PDE10A: variants seen among roughly 807,000 people sequenced by gnomAD.
PDE10A encodes the protein phosphodiesterase 10A.
Under a neutral mutation model 97.7 loss-of-function variants are expected in PDE10A, and 39 were observed. The observed-to-expected ratio is 0.40, with a 90% CI of 0.31 to 0.52. The LOEUF is 0.52. Among genes scored for constraint, PDE10A ranks in the 20% least tolerant of loss-of-function variants. The pLI, the probability that PDE10A is intolerant of heterozygous loss-of-function variation, is 0.56. For missense variants in PDE10A, 731 were observed against 1,047.8 expected (o/e 0.70, Z 4.17); for synonymous variants, 371 against 376.8 (o/e 0.98, Z 0.18).
At chr6:165,530,752 T>C (rs1336424424) in intron 2 of PDE10A, among the ~76,000 whole-genome samples, 1 of 152,240 alleles carries the variant, frequency 6.6e-6, no homozygotes, top group Non-Finnish European at 1.5e-5. Context: ...CATTAAGATA[T>C]GTTTAAGTCA....
intron 13 of PDE10A, among the ~76,000 whole-genome samples, chr6:165,397,965 T>C (rs1186492892): frequency 6.6e-6 from 1 of 152,104 alleles, no homozygotes; most frequent in Non-Finnish European, 1.5e-5. Flanking sequence ...TCAGAAACAT[T>C]AAAATTAAGT....
chr6:165,362,070 G>C (rs1375507330), intron 18 of PDE10A, among the ~76,000 whole-genome samples: 2 of 152,140 alleles, frequency 1.3e-5, no homozygotes, highest in Admixed American at 1.3e-4. Context: ...TTAGAGCTAT[G>C]AATGTCTATA....
chr6:165,525,903 T>C (rs1232305669), intron 2 of PDE10A, among the ~76,000 whole-genome samples: 1 of 152,212 alleles, frequency 6.6e-6, no homozygotes, highest in Non-Finnish European at 1.5e-5. Flanking sequence ...CTACTTAATT[T>C]TTCTAAGGAG....
chr6:165,985,417 C>T (rs1461488107), intron 1 of PDE10A, among the ~76,000 whole-genome samples: 1 of 152,184 alleles, frequency 6.6e-6, no homozygotes, highest in Non-Finnish European at 1.5e-5. Context: ...TTCAGTTTCT[C>T]ATTGGTGTTA....
At chr6:165,345,224 T>C (rs1269790535) in intron 18 of PDE10A, among the ~76,000 whole-genome samples, 2 of 152,204 alleles carry the variant, frequency 1.3e-5, no homozygotes, top group East Asian at 1.9e-4. Context: ...GAAATGTCAA[T>C]AGAATTGGGC....
rs776525724 is a variant in PDE10A, at chr6:165,537,071, A to G, written c.994+6369T>C. Among the ~76,000 whole-genome samples the G allele has an allele frequency of 1.1e-4, 16 of 152,166 alleles. No individual in the cohort carries two copies. The South Asian group carries it at 1.7e-3, about 16-fold the overall frequency. ...CACCCATTAATGGGTGAATGGATAAAGAAAATGTGATATATACAAAACGAA... is the reference window on the plus strand; with the variant it reads ...CACCCATTAATGGGTGAATGGATAAGGAAAATGTGATATATACAAAACGAA... On this transcript the variant is annotated intron_variant, in intron 2 of 21. Coordinates refer to ENST00000539869, the MANE Select transcript of PDE10A (RefSeq NM_001385079.1).
chr6:165,694,157 C>A (rs1582943941), intron 1 of PDE10A, among the ~76,000 whole-genome samples: 1 of 152,292 alleles, frequency 6.6e-6, no homozygotes, highest in Non-Finnish European at 1.5e-5. Flanking sequence ...TCTTTGGGGG[C>A]CGTGCACACG....
At chr6:165,558,764 C>A (rs532979608) in intron 1 of PDE10A, among the ~76,000 whole-genome samples, 3 of 151,946 alleles carry the variant, frequency 2.0e-5, no homozygotes, top group African/African-American at 7.3e-5. Flanking sequence ...ACTCAAAAAA[C>A]GAAGGCAAAT....
chr6:165,509,277 G>A (rs1781377663), intron 2 of PDE10A, among the ~76,000 whole-genome samples: 1 of 151,630 alleles, frequency 6.6e-6, no homozygotes, highest in Non-Finnish European at 1.5e-5. Context: ...CTTTCTTCTG[G>A]CTACTTTATT....
Position 165,741,144 on chromosome 6 carries a change from G to A in PDE10A, c.-614-197576C>T, listed in dbSNP as rs1792709991. Among the ~76,000 whole-genome samples, 3 of 152,050 alleles carry A rather than the reference G, an allele frequency of 2.0e-5. No individual in the cohort carries two copies. The South Asian group carries it at 6.2e-4, about 32-fold the overall frequency. On this transcript the variant is annotated intron_variant, in intron 1 of 19. Coordinates refer to the PDE10A transcript ENST00000366882. ...GTTCTCACCACATACCTACAAAAAGGTAACTATATGAGGTACTGGATATGT... is the reference window on the plus strand; with the variant it reads ...GTTCTCACCACATACCTACAAAAAGATAACTATATGAGGTACTGGATATGT...
intron 18 of PDE10A, among the ~76,000 whole-genome samples, chr6:165,362,829 G>A (rs1319849466): frequency 6.6e-6 from 1 of 152,114 alleles, no homozygotes; most frequent in Non-Finnish European, 1.5e-5. Flanking sequence ...ATATCATCAA[G>A]CCAAATCCAG....
At chr6:165,682,472 G>A (rs1183885325) in intron 1 of PDE10A, among the ~76,000 whole-genome samples, 1 of 152,094 alleles carries the variant, frequency 6.6e-6, no homozygotes. Context: ...TATACATGAT[G>A]GTATTAGGAG....
chr6:165,980,913 C>T (rs991363669), intron 1 of PDE10A, among the ~76,000 whole-genome samples: 4 of 152,142 alleles, frequency 2.6e-5, no homozygotes, highest in Non-Finnish European at 5.9e-5. Flanking sequence ...ATTAAAAGTG[C>T]TCCTCCTGCT....
rs114151481 is a variant in PDE10A, at chr6:165,376,476, G to T, written c.2783+2718C>A. ...ACTTGTTTGACAAAGCAGGGGCAGG[G>T]TCTGAGAGGACTGACTCTAATGTTG... On this transcript the variant is annotated intron_variant, in intron 18 of 21. Transcript: ENST00000539869. Among the ~76,000 whole-genome samples, 653 of 152,338 alleles carry T rather than the reference G, an allele frequency of 4.3e-3. 5 individuals are homozygous for T. Among genetic ancestry groups the T allele is most frequent in the African/African-American group, 0.015 (619 of 41,580 alleles).
intron 1 of PDE10A, among the ~76,000 whole-genome samples, chr6:165,943,346 G>GAAAAGAAAGAAAGAAAAAGAAAGAAAGAA (rs369730730): frequency 3.8e-5 from 3 of 79,486 alleles, no homozygotes; most frequent in African/African-American, 1.7e-4. Context: ...AGAAAGAAAA[G>GAAAAGAAAGAAAGAAAAAGAAAGAAAGAA]AGAAAGAAAG....
chr6:165,826,299 C>CTTTT (rs71029566), intron 1 of PDE10A, among the ~76,000 whole-genome samples: 8 of 94,120 alleles, frequency 8.5e-5, no homozygotes, highest in African/African-American at 3.8e-4. Context: ...TCCCCATGTC[C>CTTTT]GTCTTCATGT....
At position 165,460,129 on chromosome 6, in the gene PDE10A, C is replaced by T. The variant is rs1484590603; in HGVS notation, c.1024-9767G>A. On this transcript the variant is annotated intron_variant, in intron 3 of 21. Coordinates refer to ENST00000539869, the MANE Select transcript of PDE10A (RefSeq NM_001385079.1). ...TGTCTCCTGCCACAGCCGGTAGTGC[C>T]GCAGTAGATTTATGCTGCAGAAAAG... is the stretch of plus-strand genomic sequence containing the variant. Among the ~76,000 whole-genome samples, 6 of 152,178 alleles carry T rather than the reference C, an allele frequency of 3.9e-5. No individual in the cohort carries two copies. In the East Asian group the frequency reaches 5.8e-4, roughly 15 times the overall value.
At chr6:165,407,072 A>C (rs565218904) in intron 13 of PDE10A, among the ~76,000 whole-genome samples, 1 of 152,194 alleles carries the variant, frequency 6.6e-6, no homozygotes, top group East Asian at 1.9e-4. Flanking sequence ...TAGCTTCCAT[A>C]ATCATATGAA....
At chr6:165,795,943 T>C (rs1778815556) in intron 1 of PDE10A, among the ~76,000 whole-genome samples, 1 of 152,130 alleles carries the variant, frequency 6.6e-6, no homozygotes. Context: ...AGAACTGCAG[T>C]TATAATATGC....
Sources: gnomAD v4.1 joint callset for allele counts (sites outside exome capture counted in the v4.1 genomes callset) on GRCh38, gnomAD v4.1.1 for gene constraint, MANE v1.5 for transcripts, NCBI Gene and HGNC (gene_info 2026-07-23, HGNC 2026-07-21) for gene names.